ZC4H2: variants seen among roughly 807,000 people sequenced by gnomAD.
ZC4H2 encodes zinc finger C4H2-type containing, also known as zinc finger C4H2 domain-containing protein.
For synonymous variants in ZC4H2, 84 were observed against 66.3 expected (o/e 1.27, Z -1.30); for missense variants, 137 against 173.9 (o/e 0.79, Z 1.19).
intron 1 of ZC4H2, among the ~76,000 whole-genome samples, chrX:64,942,834 G>A (rs983339642): frequency 9.0e-6 from 1 of 111,684 alleles, no homozygotes; most frequent in Admixed American, 9.5e-5. Context: ...AGAATCCTTT[G>A]GGTATATACC....
At chrX:64,924,929 G>A (rs748854749) in intron 1 of ZC4H2, among the ~76,000 whole-genome samples, 13 of 111,053 alleles carry the variant, frequency 1.2e-4, no homozygotes, top group Admixed American at 1.9e-4. Flanking sequence ...TTTAAGCACC[G>A]GAAGAGTGAC....
intron 1 of ZC4H2, among the ~76,000 whole-genome samples, chrX:64,953,965 A>G (rs1484231575): frequency 1.8e-5 from 2 of 110,762 alleles, no homozygotes; most frequent in Non-Finnish European, 3.8e-5. Context: ...TGGCATATAT[A>G]CACCGTGGAA....
Position 64,928,108 on chromosome X carries a change from C to T in ZC4H2, c.54-6120G>A, listed in dbSNP as rs184945287. Among the ~76,000 whole-genome samples, 602 of 112,125 alleles carry T rather than the reference C, an allele frequency of 5.4e-3. 4 individuals are homozygous for T. Among genetic ancestry groups the T allele is most frequent in the Non-Finnish European group, 6.1e-3 (323 of 53,178 alleles). The stretch of plus-strand genomic sequence containing the variant: ...TCTGATGATAGTTTTTTTCGCTATG[C>T]AGAAGCTCTTTAGTTTAATTACATC... On this transcript the variant is annotated intron_variant, in intron 1 of 4. Coordinates refer to ENST00000374839, the MANE Select transcript of ZC4H2 (RefSeq NM_018684.4).
At chrX:64,923,850 T>C (rs775448574) in intron 1 of ZC4H2, among the ~76,000 whole-genome samples, 1 of 109,959 alleles carries the variant, frequency 9.1e-6, no homozygotes, top group Non-Finnish European at 1.9e-5. Context: ...AAAGCCTACA[T>C]ACCATCCATA....
chrX:64,994,528 C>G (rs1030523307), intron 1 of ZC4H2, among the ~76,000 whole-genome samples: 1 of 112,190 alleles, frequency 8.9e-6, no homozygotes, highest in Non-Finnish European at 1.9e-5. Flanking sequence ...ACCCTGCACT[C>G]TTTTTTTACT....
chrX:65,026,677 C>T (rs1305664655), intron 1 of ZC4H2, among the ~76,000 whole-genome samples: 1 of 110,135 alleles, frequency 9.1e-6, no homozygotes, highest in East Asian at 2.9e-4. Flanking sequence ...CCACTGCACT[C>T]CAGCCTGGGC....
At chrX:64,981,113 GA>G (rs200722608), upstream of ZC4H2, among the ~76,000 whole-genome samples, 30 of 106,489 alleles carry the variant, frequency 2.8e-4, no homozygotes, top group Non-Finnish European at 4.7e-4. Context: ...CTTAGCCTAT[GA>G]AAAAAAAAAG....
intron 1 of ZC4H2, among the ~76,000 whole-genome samples, chrX:65,019,555 G>A (rs976677250): frequency 7.1e-5 from 8 of 112,235 alleles, no homozygotes; most frequent in Non-Finnish European, 1.1e-4. Context: ...AAGACCAAAG[G>A]CAGATAAATC....
intron 1 of ZC4H2, among the ~76,000 whole-genome samples, chrX:64,923,556 G>A (rs1297741837): frequency 9.0e-6 from 1 of 110,555 alleles, no homozygotes; most frequent in African/African-American, 3.3e-5. Context: ...TCTTGACATT[G>A]CCTGTGCCTC....
At chrX:64,919,271 C>G in intron 3 of ZC4H2, 67 bp from the exon 4 acceptor site, 6 of 1,145,447 alleles carry the variant, frequency 5.2e-6, no homozygotes, top group Non-Finnish European at 7.1e-6. Flanking sequence ...CTCTTAAAGA[C>G]TCCATGCCAT....
At chrX:64,980,307 G>A (rs958017706), upstream of ZC4H2, among the ~76,000 whole-genome samples, 2 of 111,646 alleles carry the variant, frequency 1.8e-5, no homozygotes, top group African/African-American at 6.5e-5. Flanking sequence ...CTATTACAAA[G>A]ATCATGCATA....
intron 1 of ZC4H2, among the ~76,000 whole-genome samples, chrX:65,002,335 C>T (rs1388433251): frequency 1.8e-5 from 2 of 109,164 alleles, no homozygotes; most frequent in South Asian, 7.7e-4. Flanking sequence ...CCAGCCGCCC[C>T]GTCCGGGAGG....
intron 1 of ZC4H2, among the ~76,000 whole-genome samples, chrX:64,991,817 T>C (rs1932315010): frequency 8.9e-6 from 1 of 112,268 alleles, no homozygotes; most frequent in African/African-American, 3.2e-5. Flanking sequence ...GTGTGGTCCG[T>C]CTTTACAATG....
chrX:64,998,241 C>T (rs1932457324), intron 1 of ZC4H2, among the ~76,000 whole-genome samples: 1 of 111,807 alleles, frequency 8.9e-6, no homozygotes, highest in Admixed American at 9.5e-5. Context: ...TATTTACAAA[C>T]ACGATTCAAT....
chrX:65,022,835 T>C (rs1042887399), intron 1 of ZC4H2, among the ~76,000 whole-genome samples: 1 of 112,253 alleles, frequency 8.9e-6, no homozygotes, highest in Non-Finnish European at 1.9e-5. Context: ...TGCTCATGGA[T>C]AGGAAGAATC....
At chrX:64,939,561 G>A (rs769239023) in intron 1 of ZC4H2, among the ~76,000 whole-genome samples, 10 of 111,853 alleles carry the variant, frequency 8.9e-5, no homozygotes, top group Admixed American at 3.8e-4. Context: ...TACAGAAACC[G>A]AAACTGCATG....
At chrX:64,948,907 G>A (rs759217329) in intron 1 of ZC4H2, among the ~76,000 whole-genome samples, 16 of 111,882 alleles carry the variant, frequency 1.4e-4, no homozygotes, top group East Asian at 5.6e-4. Context: ...TAAAAGGTTC[G>A]TAAAAATTAA....
chrX:64,943,869 T>C (rs1394377074), intron 1 of ZC4H2, among the ~76,000 whole-genome samples: 1 of 111,478 alleles, frequency 9.0e-6, no homozygotes, highest in Non-Finnish European at 1.9e-5. Flanking sequence ...TCTGATCCTG[T>C]AATCATGATG....
intron 1 of ZC4H2, among the ~76,000 whole-genome samples, chrX:64,959,826 A>G (rs753370800): frequency 9.0e-6 from 1 of 111,114 alleles, no homozygotes; most frequent in Non-Finnish European, 1.9e-5. Flanking sequence ...AAGCATGATT[A>G]AAACACCAAT....
Sources: gnomAD v4.1 joint callset for allele counts (sites outside exome capture counted in the v4.1 genomes callset) on GRCh38, gnomAD v4.1.1 for gene constraint, MANE v1.5 for transcripts, NCBI Gene and HGNC (gene_info 2026-07-23, HGNC 2026-07-21) for gene names.